MAST4: variants seen among roughly 807,000 people sequenced by gnomAD.
The protein encoded by MAST4 is microtubule-associated serine/threonine-protein kinase 4.
A neutral mutation model predicts 162.7 loss-of-function variants in MAST4; 89 were observed. The ratio of observed to expected loss-of-function variants is 0.55; its 90% CI spans 0.46 to 0.65. The LOEUF is 0.65. Ranked by LOEUF, MAST4 falls within the 30% of genes least tolerant of loss-of-function variation. MAST4 has a pLI of 0.00. For synonymous variants in MAST4, 1,479 were observed against 1,361.1 expected (o/e 1.09, Z -1.91); for missense variants, 3,153 against 3,374.0 (o/e 0.93, Z 1.62).
intron 6 of MAST4, among the ~76,000 whole-genome samples, chr5:67,090,827 G>C (rs535058951): frequency 6.6e-6 from 1 of 151,530 alleles, no homozygotes; most frequent in Non-Finnish European, 1.5e-5. Context: ...ACGTAGCCAA[G>C]TCAGAGGAGT....
At chr5:66,962,707 C>A (rs772880675) in intron 4 of MAST4, among the ~76,000 whole-genome samples, 3 of 151,956 alleles carry the variant, frequency 2.0e-5, no homozygotes, top group Admixed American at 2.0e-4. Flanking sequence ...TCAAAAAGAA[C>A]AACAACAACA....
intron 28 of MAST4, 41 bp downstream of exon 28, chr5:67,162,829 G>A (rs1328911100): frequency 1.3e-6 from 2 of 1,582,350 alleles, no homozygotes; most frequent in Non-Finnish European, 1.7e-6. Flanking sequence ...GGGGAGGGGA[G>A]GTAAAGTCAT....
At chr5:66,811,489 C>T (rs1756477024) in intron 3 of MAST4, among the ~76,000 whole-genome samples, 1 of 152,228 alleles carries the variant, frequency 6.6e-6, no homozygotes, top group South Asian at 2.1e-4. Context: ...GGTCTCTCTA[C>T]CCAGCCCCCT....
chr5:67,049,063 A>ATATATATATACG lies in MAST4; in HGVS notation c.675-5331_675-5330insCGTATATATATA, dbSNP rs1757837095. On this transcript the variant is annotated intron_variant, in intron 4 of 28. Transcript: ENST00000403625. ...TATACGTGTATATATATATATACGT[A>ATATATATATACG]TATATATATATATATACACTACCAT... 2.9e-4 allele frequency among the ~76,000 whole-genome samples: 29 copies of ATATATATATACG among 98,560 alleles called. 1 individual carries two copies. The highest frequency in any genetic ancestry group is 7.3e-4 in the African/African-American group (17 of 23,316). 64.7% of individuals were successfully genotyped at this position (98,560 alleles called of 152,430 possible). A position where few individuals can be genotyped will look rare whatever the true frequency, so the allele number is the denominator to read the frequency against.
chr5:66,877,455 T>A, intron 3 of MAST4, among the ~76,000 whole-genome samples: 1 of 152,126 alleles, frequency 6.6e-6, no homozygotes, highest in Admixed American at 6.5e-5. Context: ...TTGCACAGGG[T>A]CGCACAGCTG....
intron 4 of MAST4, among the ~76,000 whole-genome samples, chr5:66,945,528 CA>C (rs1743919335): frequency 6.6e-6 from 1 of 152,180 alleles, no homozygotes; most frequent in East Asian, 1.9e-4. Context: ...TGAGGTCTTA[CA>C]GCTGCCTTTT....
rs2151145523 is a variant in MAST4, at chr5:67,166,617, A to C, written c.7438A>C (p.Ser2480Arg). Residue 2480 changes from serine (S) to arginine (R), a missense_variant, in exon 29 of 29, where the codon AGC becomes CGC. By Grantham distance (110) the Ser-to-Arg change is moderately radical. Around this residue, in one of 7 missense-constraint regions of MAST4, gnomAD observed 1,644 missense variants for 1,495.0 expected, o/e 1.10. Transcript: ENST00000403625. ...AGTTAGAGAGGCCTCTGCAGCCAGCAGCGACACCTCTTCTGCCAAGGCCGC... is the reference window on the plus strand; with the variant it reads ...AGTTAGAGAGGCCTCTGCAGCCAGCCGCGACACCTCTTCTGCCAAGGCCGC... Reference protein sequence around the residue: ...AGVREASAASSDTSSAKAAGG... With the variant: ...AGVREASAASRDTSSAKAAGG... The C allele has an allele frequency of 6.2e-7, 1 of 1,601,280 alleles. No homozygotes were observed.
chr5:67,095,731 C>G (rs1764387622), intron 7 of MAST4, 56 bp downstream of exon 7: 25 of 1,304,806 alleles, frequency 1.9e-5, no homozygotes, highest in East Asian at 9.9e-5. Context: ...AGAGCTATTA[C>G]ACAGGCAGTG....
chr5:66,828,881 A>G, intron 3 of MAST4: 2 of 1,601,224 alleles, frequency 1.2e-6, no homozygotes, highest in Non-Finnish European at 1.7e-6. Context: ...AGAGGGCTCC[A>G]GGTAGGAGAC....
chr5:67,057,603 A>G (rs1388680698), intron 5 of MAST4, among the ~76,000 whole-genome samples: 6 of 149,858 alleles, frequency 4.0e-5, no homozygotes, highest in Admixed American at 1.3e-4. Flanking sequence ...AAAAAAAAAA[A>G]AAGAAGGAAA....
chr5:66,935,748 A>G (rs934654231), intron 4 of MAST4, among the ~76,000 whole-genome samples: 76 of 147,910 alleles, frequency 5.1e-4, no homozygotes, highest in African/African-American at 1.9e-3. Context: ...GTTCACTGCC[A>G]CCTCCGCCTC....
intron 1 of MAST4, among the ~76,000 whole-genome samples, chr5:66,614,416 T>A (rs1421971947): frequency 6.6e-6 from 1 of 152,224 alleles, no homozygotes; most frequent in East Asian, 1.9e-4. Context: ...ACCTAGTACA[T>A]GCATGAAATG....
At chr5:66,861,658 G>C (rs906737847) in intron 3 of MAST4, among the ~76,000 whole-genome samples, 1 of 152,246 alleles carries the variant, frequency 6.6e-6, no homozygotes, top group African/African-American at 2.4e-5. Context: ...GTGTTAAAGA[G>C]TACAGAATGA....
chr5:67,167,553 A>T lies in MAST4; in HGVS notation c.*502A>T, dbSNP rs1435697352. 1 of 152,364 alleles carries T rather than the reference A, an allele frequency of 6.6e-6. No individual in the cohort carries two copies. The highest frequency in any genetic ancestry group is 2.4e-5 in the African/African-American group (1 of 41,472). The allele number at this position is 152,364 out of a possible 1,614,324, so 9.4% of individuals were successfully genotyped here. ...ACCTACATGTTTTGGTCTGTGGTTT[A>T]AGAGACTATTTCAAGGTTCCATTTT... is the stretch of plus-strand genomic sequence containing the variant. On this transcript the variant is annotated 3_prime_UTR_variant, in exon 29 of 29. Transcript: ENST00000403625.
At chr5:66,716,790 T>C (rs1189428638) in intron 1 of MAST4, among the ~76,000 whole-genome samples, 1 of 152,198 alleles carries the variant, frequency 6.6e-6, no homozygotes, top group African/African-American at 2.4e-5. Flanking sequence ...TTTGTTGTGT[T>C]TTTTGGCTAT....
chr5:66,947,659 C>T (rs541075431), intron 4 of MAST4, among the ~76,000 whole-genome samples: 16 of 152,268 alleles, frequency 1.1e-4, no homozygotes, highest in Middle Eastern at 3.4e-3. Flanking sequence ...AATCCTCCTC[C>T]GACCTGCAAA....
At chr5:67,077,454 T>C (rs1403189773) in intron 5 of MAST4, among the ~76,000 whole-genome samples, 2 of 152,166 alleles carry the variant, frequency 1.3e-5, no homozygotes, top group African/African-American at 4.8e-5. Flanking sequence ...GAGTACTTGA[T>C]AAAAGTAAGG....
chr5:66,861,442 T>C (rs1277356875), intron 3 of MAST4, among the ~76,000 whole-genome samples: 1 of 152,202 alleles, frequency 6.6e-6, no homozygotes, highest in Non-Finnish European at 1.5e-5. Flanking sequence ...TAGCTGTTAT[T>C]ATCCCCATTT....
At chr5:66,689,636 A>G (rs939196739) in intron 1 of MAST4, among the ~76,000 whole-genome samples, 1 of 152,132 alleles carries the variant, frequency 6.6e-6, no homozygotes, top group African/African-American at 2.4e-5. Context: ...TTGGAGTTCT[A>G]TGCCTGCCCT....
Sources: allele counts gnomAD v4.1 joint callset (sites outside exome capture counted in the v4.1 genomes callset), GRCh38; gene constraint gnomAD v4.1.1; regional missense constraint gnomAD v4.1.1; transcripts MANE v1.5; gene names NCBI Gene and HGNC (gene_info 2026-07-23, HGNC 2026-07-21).